VPS13B: variants seen among roughly 807,000 people sequenced by gnomAD.
VPS13B encodes intermembrane lipid transfer protein VPS13B.
Under a neutral mutation model 426.4 loss-of-function variants are expected in VPS13B, and 285 were observed. That is an observed-to-expected ratio of 0.67 (90% CI 0.61 to 0.74). VPS13B has a LOEUF of 0.74. VPS13B is among the 30% of genes least tolerant of loss of function. The pLI, the probability that VPS13B is intolerant of heterozygous loss-of-function variation, is 0.00. For missense variants in VPS13B, 4,537 were observed against 4,782.6 expected (o/e 0.95, Z 1.51); for synonymous variants, 1,676 against 1,676.4 (o/e 1.00, Z 0.01).
chr8:99,141,023 T>C (rs1299690323), intron 12 of VPS13B, among the ~76,000 whole-genome samples: 1 of 152,202 alleles, frequency 6.6e-6, no homozygotes, highest in African/African-American at 2.4e-5. Flanking sequence ...AGTAGATAGC[T>C]GAAATTGTAA....
intron 23 of VPS13B, among the ~76,000 whole-genome samples, chr8:99,465,434 A>G (rs1405770479): frequency 6.7e-6 from 1 of 149,096 alleles, no homozygotes; most frequent in Non-Finnish European, 1.5e-5. Flanking sequence ...GAGTTAGGGT[A>G]TGATATGCTC....
At chr8:99,361,425 AAGCATTTCCTGCTGTTTT>A (rs1175640520) in intron 19 of VPS13B, among the ~76,000 whole-genome samples, 1 of 152,176 alleles carries the variant, frequency 6.6e-6, no homozygotes, top group African/African-American at 2.4e-5. Flanking sequence ...AGGAAAGTAG[AAGCATTTCCTGCTGTTTT>A]AGCAGGAAAT....
At chr8:99,365,759 C>T (rs1812841313) in intron 19 of VPS13B, among the ~76,000 whole-genome samples, 1 of 151,882 alleles carries the variant, frequency 6.6e-6, no homozygotes, top group African/African-American at 2.4e-5. Flanking sequence ...TTGTGATCCG[C>T]CCCCTTCAGC....
chr8:99,390,416 C>CT (rs375327170), intron 20 of VPS13B, among the ~76,000 whole-genome samples: 2 of 151,902 alleles, frequency 1.3e-5, no homozygotes, highest in Non-Finnish European at 2.9e-5. Context: ...ATTTCTTTTC[C>CT]TTTTTTTTAC....
intron 3 of VPS13B, among the ~76,000 whole-genome samples, chr8:99,042,023 T>A (rs993331266): frequency 2.6e-5 from 4 of 150,984 alleles, no homozygotes; most frequent in Non-Finnish European, 5.9e-5. Context: ...TCTTAAAAAA[T>A]TTGAAAAGTG....
In VPS13B at chr8:99,720,498, G is replaced by A. The variant is rs1588654369; in HGVS notation, c.6811G>A (p.Glu2271Lys). 6.2e-7 allele frequency: 1 copy of A among 1,613,972 alleles called. No homozygotes were observed. The highest frequency in any genetic ancestry group is 8.5e-7 in the Non-Finnish European group (1 of 1,179,922). Residue 2271 changes from glutamate to lysine, a missense_variant, in exon 38 of 62, where the codon GAA (glutamate) becomes AAA (lysine). Around this residue, in one of 2 missense-constraint regions of VPS13B, gnomAD observed 4,311 missense variants for 4,474.3 expected, o/e 0.96. Transcript: ENST00000357162. Reference sequence around the variant, plus strand: ...GGAAAAGAATCAGACATTTAAAAGTGAACAAAGTTCAGATGACCTACGGAC... The same window carrying A: ...GGAAAAGAATCAGACATTTAAAAGTAAACAAAGTTCAGATGACCTACGGAC... ...PVEKNQTFKS[E>K]QSSDDLRTGL...
At chr8:99,412,768 T>G (rs1815757866) in intron 21 of VPS13B, among the ~76,000 whole-genome samples, 1 of 152,014 alleles carries the variant, frequency 6.6e-6, no homozygotes, top group Non-Finnish European at 1.5e-5. Context: ...TTATTGAGAG[T>G]TTTTAGCATG....
At chr8:99,103,858 A>G (rs1846900226) in intron 5 of VPS13B, among the ~76,000 whole-genome samples, 1 of 151,098 alleles carries the variant, frequency 6.6e-6, no homozygotes, top group African/African-American at 2.4e-5. Context: ...TTGGTCTTGA[A>G]CTCCTGAGCT....
intron 33 of VPS13B, among the ~76,000 whole-genome samples, chr8:99,582,173 G>C (rs1826096501): frequency 1.3e-5 from 2 of 151,954 alleles, no homozygotes; most frequent in African/African-American, 4.8e-5. Flanking sequence ...GATAGTCTTA[G>C]TCTCATAAAG....
intron 16 of VPS13B, among the ~76,000 whole-genome samples, chr8:99,189,354 T>A (rs1407213955): frequency 6.6e-6 from 1 of 152,236 alleles, no homozygotes; most frequent in East Asian, 1.9e-4. Context: ...TCTGGGAAAT[T>A]CTGGAGAATT....
chr8:99,384,878 C>T (rs191481431), intron 20 of VPS13B, among the ~76,000 whole-genome samples: 123 of 152,302 alleles, frequency 8.1e-4, no homozygotes, highest in Non-Finnish European at 1.6e-3. Context: ...CAGGGTTTCA[C>T]CTGTTGGCCA....
intron 35 of VPS13B, among the ~76,000 whole-genome samples, chr8:99,686,662 C>T (rs1279108117): frequency 6.6e-6 from 1 of 152,010 alleles, no homozygotes; most frequent in African/African-American, 2.4e-5. Context: ...GCGAGTGCTA[C>T]GTGGCTACCA....
intron 25 of VPS13B, among the ~76,000 whole-genome samples, chr8:99,488,235 A>G (rs1000972945): frequency 6.6e-6 from 1 of 152,152 alleles, no homozygotes; most frequent in African/African-American, 2.4e-5. Context: ...AGCACTTAAT[A>G]TTATCCCTTA....
At chr8:99,270,408 G>A (rs1818527236) in intron 17 of VPS13B, among the ~76,000 whole-genome samples, 1 of 151,332 alleles carries the variant, frequency 6.6e-6, no homozygotes. Flanking sequence ...CAAAGTGTTG[G>A]GATTACAGGC....
rs756197846 is a variant in VPS13B at position 99,832,471 on chromosome 8, A to G, written c.9433A>G (p.Ile3145Val). 3.7e-6 allele frequency: 6 copies of G among 1,611,696 alleles called. No homozygotes were observed. The highest frequency in any genetic ancestry group is 1.3e-5 in the African/African-American group (1 of 74,300). Residue 3145 changes from isoleucine to valine, a missense_variant, in exon 52 of 62, where the codon ATC (isoleucine) becomes GTC (valine). By Grantham distance (29) the Ile-to-Val change is conservative (BLOSUM62 3). Transcript: ENST00000357162. ...TCCTTGCTGGGACTTGATGCCTGAC[A>G]TCAGTCAGTCAGTACTGGATGCATC... is the stretch of plus-strand genomic sequence containing the variant. ...SLPCWDLMPDISQSVLDASLL... is the reference protein window; with the variant it reads ...SLPCWDLMPDVSQSVLDASLL...
At chr8:99,076,370 C>A (rs138088688) in intron 3 of VPS13B, among the ~76,000 whole-genome samples, 64 of 152,112 alleles carry the variant, frequency 4.2e-4, no homozygotes, top group African/African-American at 1.4e-3. Flanking sequence ...TCTGTTAAGT[C>A]TGTTTGGCTT....
chr8:99,576,467 A>G (rs1174105769), intron 32 of VPS13B, among the ~76,000 whole-genome samples: 1 of 152,094 alleles, frequency 6.6e-6, no homozygotes, highest in Non-Finnish European at 1.5e-5. Context: ...GTGAATGAAT[A>G]CAGAGAACTT....
In VPS13B at chr8:99,765,152, G is replaced by A. The variant is rs569658281; in HGVS notation, c.7051-1622G>A. Among the ~76,000 whole-genome samples, 32 of 152,198 alleles carry A rather than the reference G, an allele frequency of 2.1e-4. No individual in the cohort carries two copies. The East Asian group carries it at 4.5e-3, about 21-fold the overall frequency. The stretch of plus-strand genomic sequence containing the variant: ...TCCCAGCTACTCGGGAAGCTGAGGT[G>A]GGAGAATTGCTTGAACCCAGGGGCC... On this transcript the variant is annotated intron_variant, in intron 39 of 61. Coordinates refer to ENST00000357162, the MANE Select transcript of VPS13B (RefSeq NM_152564.5).
At chr8:99,543,519 A>G (rs1468429035) in intron 30 of VPS13B, among the ~76,000 whole-genome samples, 1 of 152,122 alleles carries the variant, frequency 6.6e-6, no homozygotes, top group East Asian at 1.9e-4. Context: ...ATCAGAGTGA[A>G]TAGGCAACCT....
Sources: allele counts gnomAD v4.1 joint callset (sites outside exome capture counted in the v4.1 genomes callset), GRCh38; gene constraint gnomAD v4.1.1; regional missense constraint gnomAD v4.1.1; transcripts MANE v1.5; gene names NCBI Gene and HGNC (gene_info 2026-07-23, HGNC 2026-07-21).